INPP5A: variants seen among roughly 807,000 people sequenced by gnomAD.
The protein encoded by INPP5A is inositol polyphosphate-5-phosphatase A.
In INPP5A, 14 loss-of-function variants were observed where a neutral mutation model predicts 65.2. The observed-to-expected ratio is 0.21, with a 90% CI of 0.14 to 0.34. The LOEUF is 0.34. INPP5A is among the 10% of genes least tolerant of loss of function. The pLI is 1.00. For missense variants in INPP5A, 431 were observed against 545.6 expected, an observed-to-expected ratio of 0.79 and a Z score of 2.09; for synonymous variants, 207 against 208.3, an observed-to-expected ratio of 0.99 and a Z score of 0.05.
At chr10:132,773,815 G>A (rs1846998037) in intron 12 of INPP5A, among the ~76,000 whole-genome samples, 1 of 152,224 alleles carries the variant, frequency 6.6e-6, no homozygotes, top group Non-Finnish European at 1.5e-5. Context: ...CCGGGCTGGA[G>A]TGCAGTGGTG....
At chr10:132,613,599 G>T (rs1352284690) in intron 2 of INPP5A, among the ~76,000 whole-genome samples, 2 of 152,238 alleles carry the variant, frequency 1.3e-5, no homozygotes, top group African/African-American at 4.8e-5. Flanking sequence ...TTAGAACAGA[G>T]AATTCTCAAA....
intron 4 of INPP5A, among the ~76,000 whole-genome samples, chr10:132,660,975 G>T (rs567662125): frequency 6.6e-6 from 1 of 152,286 alleles, no homozygotes; most frequent in South Asian, 2.1e-4. Flanking sequence ...CTAAAGAGAA[G>T]TAGGGTCAAA....
chr10:132,671,660 C>T (rs2072894504), intron 4 of INPP5A, among the ~76,000 whole-genome samples: 1 of 152,226 alleles, frequency 6.6e-6, no homozygotes, highest in South Asian at 2.1e-4. Flanking sequence ...AGCACCAACA[C>T]CTCCTGGAAT....
intron 2 of INPP5A, among the ~76,000 whole-genome samples, chr10:132,625,840 CTGTGTGTGTGTGTGTGTGTGTG>C (rs139839964): frequency 6.8e-6 from 1 of 146,590 alleles, no homozygotes; most frequent in African/African-American, 2.5e-5. Context: ...GGCAGGACTT[CTGTGTGTGTGTGTGTGTGTGTG>C]TGTGTGTGTG....
intron 2 of INPP5A, among the ~76,000 whole-genome samples, chr10:132,643,572 C>A (rs935212075): frequency 6.6e-6 from 1 of 152,166 alleles, no homozygotes; most frequent in Admixed American, 6.5e-5. Context: ...TTAGGACGGG[C>A]AGCTTAGTGT....
intron 6 of INPP5A, among the ~76,000 whole-genome samples, chr10:132,703,503 ACC>A (rs202193454): frequency 2.4e-5 from 3 of 123,854 alleles, no homozygotes; most frequent in Non-Finnish European, 3.3e-5. Context: ...CAGTGTCTTC[ACC>A]CACACACACA....
chr10:132,749,750 T>C, intron 10 of INPP5A, 21 bp from the exon 11 acceptor site: 1 of 1,611,834 alleles, frequency 6.2e-7, no homozygotes, highest in Non-Finnish European at 8.5e-7. Context: ...CAGGTGCTCA[T>C]GGGCCACTCT....
Position 132,762,880 on chromosome 10 carries a change from T to G in INPP5A, c.904-2893T>G, listed in dbSNP as rs113702578. Among the ~76,000 whole-genome samples, 1 of 151,966 alleles carries G rather than the reference T, an allele frequency of 6.6e-6. No individual in the cohort carries two copies. Among genetic ancestry groups the G allele is most frequent in the Non-Finnish European group, 1.5e-5 (1 of 68,010 alleles). Reference sequence around the variant, plus strand: ...GGCACACGCCTGTAATTCCATCTGCTCGGGAGGCTGAGGCAGGAGAATCAC... The same window carrying G: ...GGCACACGCCTGTAATTCCATCTGCGCGGGAGGCTGAGGCAGGAGAATCAC... On this transcript the variant is annotated intron_variant, in intron 11 of 15. Coordinates refer to ENST00000368594, the MANE Select transcript of INPP5A (RefSeq NM_005539.5). This position sits in a 1 kb window ranked among gnomAD's most constrained non-coding sequence, Gnocchi z 4.6.
intron 4 of INPP5A, among the ~76,000 whole-genome samples, chr10:132,683,091 A>G (rs1180115536): frequency 1.3e-5 from 2 of 148,272 alleles, no homozygotes; most frequent in African/African-American, 5.0e-5. Context: ...ATCCACGTGC[A>G]CACGTGTGTG....
intron 2 of INPP5A, among the ~76,000 whole-genome samples, chr10:132,631,278 C>T (rs1019628765): frequency 6.6e-6 from 1 of 152,192 alleles, no homozygotes; most frequent in African/African-American, 2.4e-5. Context: ...GCTGTCTGAC[C>T]AGGGGCCTGT....
chr10:132,689,291 G>A (rs2134481437), intron 4 of INPP5A, among the ~76,000 whole-genome samples: 1 of 152,272 alleles, frequency 6.6e-6, no homozygotes, highest in South Asian at 2.1e-4. Flanking sequence ...GGTAACGGTT[G>A]GGCTCCCTGC....
Position 132,749,826 on chromosome 10 carries a change from G to A in INPP5A, c.884G>A (p.Arg295Gln), listed in dbSNP as rs894043107. Reference sequence around the variant, plus strand: ...GACTACTTCAACCAGGAGGTTTTCCGAGACAACAACGGCACCGCGGTGAGT... The same window carrying A: ...GACTACTTCAACCAGGAGGTTTTCCAAGACAACAACGGCACCGCGGTGAGT... The part of the protein sequence containing the change: ...LFDYFNQEVF[R>Q]DNNGTALLEF... Residue 295 changes from arginine (R) to glutamine (Q), a missense_variant, in exon 11 of 16, where the codon CGA becomes CAA. Transcript: ENST00000368594. 11 of 1,613,100 alleles carry A rather than the reference G, an allele frequency of 6.8e-6. No homozygotes were observed. The highest frequency in any genetic ancestry group is 1.6e-4 in the Middle Eastern group (1 of 6,084).
chr10:132,624,728 C>A (rs570453025), intron 2 of INPP5A, among the ~76,000 whole-genome samples: 32 of 152,338 alleles, frequency 2.1e-4, no homozygotes, highest in South Asian at 1.0e-3. Flanking sequence ...TCCTTCCAGA[C>A]TCTTGGTTCC....
chr10:132,673,175 G>T (rs1434197906), intron 4 of INPP5A, among the ~76,000 whole-genome samples: 4 of 152,194 alleles, frequency 2.6e-5, no homozygotes, highest in Admixed American at 6.5e-5. Context: ...GGTAGGAGGA[G>T]CCCAGAGTAT....
intron 4 of INPP5A, among the ~76,000 whole-genome samples, chr10:132,688,203 C>G (rs573107737): frequency 1.3e-5 from 2 of 152,344 alleles, no homozygotes; most frequent in South Asian, 2.1e-4. Flanking sequence ...GCCAGAGTTA[C>G]TGGCACGATT....
chr10:132,658,032 A>C (rs1200585411), intron 4 of INPP5A, among the ~76,000 whole-genome samples: 1 of 152,240 alleles, frequency 6.6e-6, no homozygotes, highest in African/African-American at 2.4e-5. Flanking sequence ...TGAAACTGTC[A>C]TATCGATCTT....
At position 132,647,099 on chromosome 10, in the gene INPP5A, A is replaced by G. The variant is rs549953363; in HGVS notation, c.218+1131A>G. Among the ~76,000 whole-genome samples, 5 of 152,122 alleles carry G rather than the reference A, an allele frequency of 3.3e-5. No homozygotes were observed. The East Asian group carries it at 9.7e-4, about 29-fold the overall frequency. Reference sequence around the variant, plus strand: ...AACTTCCCAAAATAATCTGTAATTTAAGGCATTTTTTTTTTCTTTTTTTTT... The same window carrying G: ...AACTTCCCAAAATAATCTGTAATTTGAGGCATTTTTTTTTTCTTTTTTTTT... On this transcript the variant is annotated intron_variant, in intron 3 of 15. Coordinates refer to ENST00000368594, the MANE Select transcript of INPP5A (RefSeq NM_005539.5).
rs535481627 is a variant in INPP5A at position 132,677,816 on chromosome 10, C to A, written c.307-12576C>A. On this transcript the variant is annotated intron_variant, in intron 4 of 15. Coordinates refer to ENST00000368594, the MANE Select transcript of INPP5A (RefSeq NM_005539.5). ...CCTGGGCTCCTAATTGGGGACACTA[C>A]ATCCAAGAGCCGTGACAGGGTTCAG... 4.6e-5 allele frequency among the ~76,000 whole-genome samples: 7 copies of A among 152,350 alleles called. No individual in the cohort carries two copies. In the South Asian group the frequency reaches 1.4e-3, roughly 32 times the overall value.
intron 1 of INPP5A, among the ~76,000 whole-genome samples, chr10:132,539,576 G>GT (rs34282942): frequency 0.19 from 29,268 of 152,120 alleles, 3,155 homozygotes; most frequent in Admixed American, 0.31. Flanking sequence ...CTAGTTTGGC[G>GT]TTTCAGCCAC....
Sources: gnomAD v4.1 joint callset for allele counts (sites outside exome capture counted in the v4.1 genomes callset) on GRCh38, gnomAD v4.1.1 for gene constraint, Gnocchi (gnomAD v3.1) non-coding constraint, MANE v1.5 for transcripts, NCBI Gene and HGNC (gene_info 2026-07-23, HGNC 2026-07-21) for gene names.